NFATC2: variants seen among roughly 807,000 people sequenced by gnomAD.
NFATC2 encodes nuclear factor of activated T cells 2.
A neutral mutation model predicts 87.3 loss-of-function variants in NFATC2; 22 were observed. That is an observed-to-expected ratio of 0.25 (90% CI 0.18 to 0.36). The LOEUF (loss-of-function observed/expected upper bound fraction) is 0.36. Ranked by LOEUF, NFATC2 falls within the 10% of genes least tolerant of loss-of-function variation. The pLI, the probability that NFATC2 is intolerant of heterozygous loss-of-function variation, is 1.00. For synonymous variants in NFATC2, 565 were observed against 542.2 expected (o/e 1.04, Z -0.58); for missense variants, 1,149 against 1,259.1 (o/e 0.91, Z 1.32).
rs1986271771 is a variant in NFATC2, at chr20:51,391,174, G to A, written c.*322C>T. On this transcript the variant is annotated 3_prime_UTR_variant, in exon 11 of 11. Transcript: ENST00000371564. ...ACGGAACACCATTAAGATCAACCAG[G>A]ATGCTCTCTGGGATTTAAAACATAA... The A allele has an allele frequency of 1.5e-6, 1 of 685,880 alleles. No individual in the cohort carries two copies. The highest frequency in any genetic ancestry group is 2.7e-6 in the Non-Finnish European group (1 of 373,942). 42.5% of individuals were successfully genotyped at this position (685,880 alleles called of 1,614,324 possible).
chr20:51,516,403 T>C (rs188162741), intron 3 of NFATC2, among the ~76,000 whole-genome samples: 27 of 152,354 alleles, frequency 1.8e-4, no homozygotes, highest in African/African-American at 5.5e-4. Context: ...TTCTTACTTT[T>C]CTATATTTTA....
intron 5 of NFATC2, among the ~76,000 whole-genome samples, chr20:51,455,918 G>A (rs1986441832): frequency 2.1e-5 from 1 of 46,602 alleles, no homozygotes; most frequent in Non-Finnish European, 4.7e-5. Flanking sequence ...GTGGGTGGGT[G>A]GGTGGATGGG....
chr20:51,531,246 A>G (rs1379764268), intron 1 of NFATC2, among the ~76,000 whole-genome samples: 1 of 152,246 alleles, frequency 6.6e-6, no homozygotes, highest in Non-Finnish European at 1.5e-5. Context: ...CGCACAGCAG[A>G]GGCCCAAAGA....
In NFATC2 at chr20:51,432,846, C is replaced by T; in HGVS notation, c.2033-90G>A. On this transcript the variant is annotated intron_variant, in intron 8 of 10. Coordinates refer to ENST00000371564, the MANE Select transcript of NFATC2 (RefSeq NM_012340.5). The surrounding 1 kb of genome is among the most constrained non-coding windows in gnomAD (Gnocchi z 4.6). ...TCGTGGATGGTGCTTGAGAACATGG[C>T]CTTGGGAGTCCATACGGGTGGGACA... 7.7e-6 allele frequency: 9 copies of T among 1,174,104 alleles called. No individual in the cohort carries two copies. The South Asian group carries it at 1.6e-4, about 21-fold the overall frequency. The allele number at this position is 1,174,104 out of a possible 1,614,324, so 72.7% of individuals were successfully genotyped here.
rs1464202790 is a variant in NFATC2, at chr20:51,516,896, G to C, written c.1220C>G (p.Ser407Cys). 6.2e-7 allele frequency: 1 copy of C among 1,614,204 alleles called. No homozygotes were observed. The highest frequency in any genetic ancestry group is 8.5e-7 in the Non-Finnish European group (1 of 1,180,020). The change falls in exon 3 of 11, where the codon TCT becomes TGT. Residue 407 changes from serine (S) to cysteine (C), a missense_variant. Ser to Cys is a moderately radical substitution (Grantham distance 112). Around this residue, in one of 3 missense-constraint regions of NFATC2, gnomAD observed 563 missense variants for 585.2 expected, o/e 0.96. Transcript: ENST00000371564. ...LEWPLSSQSG[S>C]YELRIEVQPK... ...CTGCACCTCGATCCGCAGCTCGTAA[G>C]AGCCTGACTGACTGGACAGCGGCCA...
At chr20:51,540,648 T>G (rs901775288) in intron 1 of NFATC2, among the ~76,000 whole-genome samples, 1 of 39,728 alleles carries the variant, frequency 2.5e-5, no homozygotes, top group Admixed American at 2.1e-4. Flanking sequence ...AAAACTGAAG[T>G]TTTTTTTTTG....
At chr20:51,439,616 G>C (rs150801848) in intron 6 of NFATC2, among the ~76,000 whole-genome samples, 1 of 152,294 alleles carries the variant, frequency 6.6e-6, no homozygotes, top group East Asian at 1.9e-4. Context: ...GGGGGGCAGG[G>C]GGAAAGTCCT....
At chr20:51,471,916 T>A (rs1417637518) in intron 5 of NFATC2, among the ~76,000 whole-genome samples, 3 of 152,176 alleles carry the variant, frequency 2.0e-5, no homozygotes, top group Non-Finnish European at 4.4e-5. Context: ...ATGGCACATG[T>A]TTACCTGTGT....
At chr20:51,436,398 T>TC (rs1983573774) in intron 6 of NFATC2, among the ~76,000 whole-genome samples, 1 of 150,910 alleles carries the variant, frequency 6.6e-6, no homozygotes, top group Non-Finnish European at 1.5e-5. Context: ...TTTCTATTTT[T>TC]TTTTTTTTTT....
intron 3 of NFATC2, among the ~76,000 whole-genome samples, chr20:51,509,612 G>A (rs1036298949): frequency 5.3e-5 from 8 of 152,076 alleles, no homozygotes; most frequent in Non-Finnish European, 1.0e-4. Flanking sequence ...CCTGTCTCAC[G>A]TCCCCAAACA....
intron 9 of NFATC2, among the ~76,000 whole-genome samples, chr20:51,423,173 C>G (rs1981208394): frequency 6.6e-6 from 1 of 151,176 alleles, no homozygotes; most frequent in African/African-American, 2.4e-5. Context: ...GCCTATAGTC[C>G]CAGCTACTGA....
At chr20:51,436,827 C>A (rs77577225) in intron 6 of NFATC2, among the ~76,000 whole-genome samples, 21 of 152,298 alleles carry the variant, frequency 1.4e-4, no homozygotes, top group Non-Finnish European at 2.8e-4. Context: ...GTTAGAGAAG[C>A]GCCATGACAG....
intron 5 of NFATC2, among the ~76,000 whole-genome samples, chr20:51,464,172 C>T (rs895140564): frequency 6.6e-6 from 1 of 152,162 alleles, no homozygotes; most frequent in African/African-American, 2.4e-5. Flanking sequence ...GTACGTAAAG[C>T]CTGCTTTACA....
chr20:51,550,873 A>G (rs1382540608), intron 1 of NFATC2, among the ~76,000 whole-genome samples: 8 of 152,218 alleles, frequency 5.3e-5, no homozygotes, highest in Non-Finnish European at 7.3e-5. Context: ...CTTTCACACC[A>G]TCGTAAAGAA....
At chr20:51,473,890 G>A (rs1988465540) in intron 5 of NFATC2, 90 bp downstream of exon 5, 28 of 1,422,166 alleles carry the variant, frequency 2.0e-5, no homozygotes, top group Non-Finnish European at 2.5e-5. Flanking sequence ...AGGCCACCCC[G>A]GGTACCTCGC....
At chr20:51,554,517 A>T (rs2076961109) in intron 1 of NFATC2, among the ~76,000 whole-genome samples, 1 of 152,204 alleles carries the variant, frequency 6.6e-6, no homozygotes, top group African/African-American at 2.4e-5. Context: ...GAAAGAAATA[A>T]ATTGAATTTA....
intron 9 of NFATC2, among the ~76,000 whole-genome samples, chr20:51,425,262 G>A (rs1568957229): frequency 6.6e-6 from 1 of 152,172 alleles, no homozygotes; most frequent in Non-Finnish European, 1.5e-5. Flanking sequence ...TTTAAATGAA[G>A]GCAAAAAAAG....
chr20:51,527,433 T>C (rs1272356609), intron 1 of NFATC2, among the ~76,000 whole-genome samples: 2 of 152,140 alleles, frequency 1.3e-5, no homozygotes, highest in Non-Finnish European at 2.9e-5. Context: ...TCTGTGCACA[T>C]CTCACCATAA....
intron 1 of NFATC2, among the ~76,000 whole-genome samples, chr20:51,528,268 A>G (rs1416628961): frequency 6.6e-6 from 1 of 152,204 alleles, no homozygotes; most frequent in African/African-American, 2.4e-5. Flanking sequence ...GATACAGTAT[A>G]GCTACAAAAA....
Sources: gnomAD v4.1 joint callset for allele counts (sites outside exome capture counted in the v4.1 genomes callset) on GRCh38, gnomAD v4.1.1 for gene constraint, gnomAD v4.1.1 regional missense constraint, Gnocchi (gnomAD v3.1) non-coding constraint, MANE v1.5 for transcripts, NCBI Gene and HGNC (gene_info 2026-07-23, HGNC 2026-07-21) for gene names.